The following CNTNAP2 variants were observed in gnomAD, a reference collection of about 807,000 sequenced individuals.
CNTNAP2 encodes contactin-associated protein-like 2.
Under a neutral mutation model 155.2 loss-of-function variants are expected in CNTNAP2, and 98 were observed. The observed-to-expected ratio is 0.63, with a 90% confidence interval of 0.54 to 0.75. CNTNAP2 has a LOEUF of 0.75. Among genes scored for constraint, CNTNAP2 ranks in the 30% least tolerant of loss-of-function variants. CNTNAP2 has a pLI of 0.00. For missense variants in CNTNAP2, 1,727 were observed against 1,688.1 expected (o/e 1.02, Z -0.40); for synonymous variants, 651 against 631.2 (o/e 1.03, Z -0.47).
At chr7:146,286,267 A>G (rs1307800755) in intron 1 of CNTNAP2, among the ~76,000 whole-genome samples, 1 of 151,554 alleles carries the variant, frequency 6.6e-6, no homozygotes, top group Admixed American at 6.6e-5. Context: ...CCTCTCTAAA[A>G]TGAGAACAAT....
At chr7:147,952,492 G>T (rs1563146428) in intron 14 of CNTNAP2, among the ~76,000 whole-genome samples, 1 of 151,822 alleles carries the variant, frequency 6.6e-6, no homozygotes, top group African/African-American at 2.4e-5. Flanking sequence ...ATTATTTATA[G>T]AAAATCATAG....
intron 1 of CNTNAP2, among the ~76,000 whole-genome samples, chr7:146,253,419 G>A (rs765767611): frequency 5.3e-5 from 8 of 152,344 alleles, no homozygotes; most frequent in South Asian, 2.1e-4. Flanking sequence ...ACACTGCAGC[G>A]ATCACATACA....
At chr7:147,832,005 C>A (rs12537970) in intron 13 of CNTNAP2, 1 of 151,596 alleles carries the variant, frequency 6.6e-6, no homozygotes, top group African/African-American at 2.4e-5. Flanking sequence ...AATGTACCCA[C>A]GACATTAAAA....
At chr7:147,741,411 T>A (rs1796954440) in intron 13 of CNTNAP2, among the ~76,000 whole-genome samples, 1 of 152,170 alleles carries the variant, frequency 6.6e-6, no homozygotes. Flanking sequence ...TTACATGAGA[T>A]CTTGAAAGAA....
chr7:148,173,477 A>G (rs1794868521), intron 18 of CNTNAP2, among the ~76,000 whole-genome samples: 1 of 152,232 alleles, frequency 6.6e-6, no homozygotes, highest in South Asian at 2.1e-4. Flanking sequence ...TTCACACAAG[A>G]TGCCACACAC....
intron 13 of CNTNAP2, among the ~76,000 whole-genome samples, chr7:147,827,000 G>A (rs1431009446): frequency 2.7e-5 from 4 of 145,816 alleles, no homozygotes; most frequent in South Asian, 4.3e-4. Flanking sequence ...GTGCAATCTC[G>A]GCTCACTGCA....
In CNTNAP2 at chr7:148,072,446, T is replaced by C. The variant is rs138231606; in HGVS notation, c.2384-45672T>C. Among the ~76,000 whole-genome samples the C allele has an allele frequency of 2.8e-4, 43 of 152,334 alleles. No homozygotes were observed. In the East Asian group the frequency reaches 7.3e-3, roughly 26 times the overall value. On this transcript the variant is annotated intron_variant, in intron 15 of 23. Coordinates refer to ENST00000361727, the MANE Select transcript of CNTNAP2 (RefSeq NM_014141.6). ...AAAAATGGGTATGGTTGTGCTCCAATAAAATCTTTTTTATAGACACTAAAA... is the reference window on the plus strand; with the variant it reads ...AAAAATGGGTATGGTTGTGCTCCAACAAAATCTTTTTTATAGACACTAAAA...
intron 1 of CNTNAP2, among the ~76,000 whole-genome samples, chr7:146,557,465 A>G (rs1798214109): frequency 6.6e-6 from 1 of 152,056 alleles, no homozygotes; most frequent in South Asian, 2.1e-4. Context: ...AATTAATTCT[A>G]TTGTCTATTA....
rs373566502 is a variant in CNTNAP2, at chr7:148,217,428, A to G, written c.3151A>G (p.Ile1051Val). The change falls in exon 19 of 24, where the codon ATC becomes GTC. Residue 1051 changes from isoleucine to valine, a missense_variant. Ile to Val is a conservative substitution (Grantham distance 29, BLOSUM62 3). Transcript: ENST00000361727. ...NSHPDLAQEE[I>V]RFSFSTTKAP... ...CCACCCGGACCTGGCACAGGAGGAG[A>G]TCCGCTTCAGCTTCAGCACCACCAA... The G allele has an allele frequency of 7.4e-6, 12 of 1,614,032 alleles. No individual in the cohort carries two copies. In the African/African-American group the frequency reaches 1.5e-4, roughly 20 times the overall value.
intron 13 of CNTNAP2, among the ~76,000 whole-genome samples, chr7:147,848,904 T>G (rs557887756): frequency 1.3e-5 from 2 of 149,640 alleles, no homozygotes; most frequent in Non-Finnish European, 3.0e-5. Context: ...TTTAATTTTG[T>G]TTTTTTTTCT....
At chr7:147,429,587 A>G (rs1433638052) in intron 10 of CNTNAP2, among the ~76,000 whole-genome samples, 2 of 151,724 alleles carry the variant, frequency 1.3e-5, no homozygotes, top group Non-Finnish European at 2.9e-5. Context: ...CCATTTGTTT[A>G]TCTTTGTTTT....
chr7:146,946,105 T>G (rs1209566524), intron 3 of CNTNAP2, among the ~76,000 whole-genome samples: 1 of 150,842 alleles, frequency 6.6e-6, no homozygotes, highest in Non-Finnish European at 1.5e-5. Context: ...TTTCCTTCTT[T>G]CCTTCCTTCC....
At chr7:146,831,575 C>T (rs1314098476) in intron 2 of CNTNAP2, among the ~76,000 whole-genome samples, 2 of 144,902 alleles carry the variant, frequency 1.4e-5, no homozygotes, top group Admixed American at 1.4e-4. Flanking sequence ...ACTTGGGAGG[C>T]TGAGGCAGGA....
intron 17 of CNTNAP2, among the ~76,000 whole-genome samples, chr7:148,168,263 G>A (rs1257627575): frequency 6.6e-6 from 1 of 151,846 alleles, no homozygotes; most frequent in Non-Finnish European, 1.5e-5. Flanking sequence ...ACATGCACAC[G>A]TATGTTTATT....
At chr7:148,326,844 G>A (rs549352610) in intron 21 of CNTNAP2, among the ~76,000 whole-genome samples, 7 of 142,882 alleles carry the variant, frequency 4.9e-5, no homozygotes, top group Non-Finnish European at 7.5e-5. Flanking sequence ...CAGCCTGAGC[G>A]ACAGAGCGAG....
chr7:147,210,832 C>G (rs777735227), intron 8 of CNTNAP2, among the ~76,000 whole-genome samples: 7 of 151,930 alleles, frequency 4.6e-5, no homozygotes, highest in Non-Finnish European at 1.0e-4. Flanking sequence ...CCTGTTCATT[C>G]AAAAGTCATT....
intron 1 of CNTNAP2, among the ~76,000 whole-genome samples, chr7:146,334,275 C>T (rs371455100): frequency 6.6e-6 from 1 of 151,922 alleles, no homozygotes; most frequent in African/African-American, 2.4e-5. Context: ...ACTAAAAATA[C>T]CAAAAATGAG....
intron 17 of CNTNAP2, among the ~76,000 whole-genome samples, chr7:148,149,555 G>A (rs917817687): frequency 6.6e-6 from 1 of 152,100 alleles, no homozygotes; most frequent in Non-Finnish European, 1.5e-5. Context: ...GTGCGTGTGT[G>A]TGTGTTTTGA....
intron 6 of CNTNAP2, among the ~76,000 whole-genome samples, chr7:147,124,851 T>A (rs1801200656): frequency 6.6e-6 from 1 of 150,448 alleles, no homozygotes; most frequent in South Asian, 2.1e-4. Flanking sequence ...TTGATGTAAC[T>A]CTATGTGGAC....
Sources: gnomAD v4.1 joint callset for allele counts (sites outside exome capture counted in the v4.1 genomes callset) on GRCh38, gnomAD v4.1.1 for gene constraint, MANE v1.5 for transcripts, NCBI Gene and HGNC (gene_info 2026-07-23, HGNC 2026-07-21) for gene names.